The following DCDC1 variants were observed in gnomAD, a reference collection of about 807,000 sequenced individuals.
DCDC1 encodes doublecortin domain-containing protein 1.
Under a neutral mutation model 178.3 loss-of-function variants are expected in DCDC1, and 200 were observed. That is an observed-to-expected ratio of 1.12 (90% CI 1.00 to 1.26). DCDC1 has a LOEUF of 1.26. Among genes scored for constraint, DCDC1 ranks in the 50% most tolerant of loss-of-function variants. The pLI is 0.00. For missense variants in DCDC1, 1,983 were observed against 1,749.2 expected (o/e 1.13, Z -2.38); for synonymous variants, 690 against 604.8 (o/e 1.14, Z -2.07).
At chr11:30,866,375 G>C (rs906939693) in intron 38 of DCDC1, among the ~76,000 whole-genome samples, 6 of 152,118 alleles carry the variant, frequency 3.9e-5, no homozygotes, top group African/African-American at 1.4e-4. Context: ...ATGGTGCCTG[G>C]TTCCAATGGT....
chr11:31,322,059 A>G (rs1949392829), intron 3 of DCDC1, among the ~76,000 whole-genome samples: 1 of 152,152 alleles, frequency 6.6e-6, no homozygotes, highest in Admixed American at 6.5e-5. Context: ...CTTTGTATAA[A>G]TTGATGTCCT....
At chr11:31,079,465 T>A (rs1378992677) in intron 17 of DCDC1, among the ~76,000 whole-genome samples, 1 of 152,188 alleles carries the variant, frequency 6.6e-6, no homozygotes, top group Non-Finnish European at 1.5e-5. Context: ...TTCTAGCAGA[T>A]TATCAAACCC....
At chr11:31,102,145 C>T (rs138517776) in intron 15 of DCDC1, 32 bp downstream of exon 15, 83 of 631,760 alleles carry the variant, frequency 1.3e-4, no homozygotes, top group Non-Finnish European at 2.2e-4. Flanking sequence ...ACATAAAGTG[C>T]ACCTTTTAAA....
intron 3 of DCDC1, among the ~76,000 whole-genome samples, chr11:31,310,209 G>GT (rs1369423589): frequency 6.8e-6 from 1 of 147,580 alleles, no homozygotes; most frequent in South Asian, 2.2e-4. Context: ...AGAAGGGGTA[G>GT]TTTTTTATGT....
At chr11:31,156,305 G>A (rs749103005) in intron 9 of DCDC1, among the ~76,000 whole-genome samples, 8 of 151,892 alleles carry the variant, frequency 5.3e-5, no homozygotes, top group Non-Finnish European at 1.2e-4. Flanking sequence ...TCCTATCATC[G>A]AATCAATCAC....
At chr11:31,011,218 C>G (rs1952148841) in intron 20 of DCDC1, among the ~76,000 whole-genome samples, 1 of 152,034 alleles carries the variant, frequency 6.6e-6, no homozygotes, top group Admixed American at 6.6e-5. Flanking sequence ...AAGTCTATTC[C>G]AGATTGATTA....
chr11:31,344,951 T>G (rs1950739231), intron 1 of DCDC1, among the ~76,000 whole-genome samples: 1 of 152,172 alleles, frequency 6.6e-6, no homozygotes, highest in African/African-American at 2.4e-5. Flanking sequence ...CACAATTCCT[T>G]TAATCAAGAA....
chr11:30,974,160 A>G (rs571225021), intron 20 of DCDC1, among the ~76,000 whole-genome samples: 2 of 152,234 alleles, frequency 1.3e-5, no homozygotes, highest in East Asian at 3.9e-4. Context: ...GAAATTAAGG[A>G]GAAATAAAAA....
In DCDC1 at chr11:30,931,875, C is replaced by G. The variant is rs1565091416; in HGVS notation, c.2793G>C (p.Glu931Asp). 1 of 1,612,968 alleles carries G rather than the reference C, an allele frequency of 6.2e-7. No homozygotes were observed. The highest frequency in any genetic ancestry group is 8.5e-7 in the Non-Finnish European group (1 of 1,179,402). The stretch of plus-strand genomic sequence containing the variant: ...CTCTGAGTCGCACAGGGGCATATGG[C>G]TCTGTTGTCTTACAGATGGGTTTCT... ...PMKKPICKTT[E>D]PYAPVRLRVL... Residue 931 changes from glutamate to aspartate, a missense_variant, in exon 22 of 39, where the codon GAG becomes GAC. Glu to Asp is a conservative substitution (Grantham distance 45, BLOSUM62 2). Transcript: ENST00000684477.
chr11:31,063,436 G>C (rs1429315576), intron 20 of DCDC1, among the ~76,000 whole-genome samples: 1 of 152,130 alleles, frequency 6.6e-6, no homozygotes, highest in Non-Finnish European at 1.5e-5. Flanking sequence ...CAATAGCAAA[G>C]ACTTGGAATC....
rs568022102 is a variant in DCDC1 at position 31,301,174 on chromosome 11, T to G, written c.754+4441A>C. Among the ~76,000 whole-genome samples the G allele has an allele frequency of 3.3e-5, 5 of 151,042 alleles. No individual in the cohort carries two copies. The South Asian group carries it at 6.4e-4, about 19-fold the overall frequency. On this transcript the variant is annotated intron_variant, in intron 6 of 38. Coordinates refer to ENST00000684477, the MANE Select transcript of DCDC1 (RefSeq NM_001387274.1). Reference sequence around the variant, plus strand: ...TCATATGCTGTCTGAGAAGAAAATGTTTTTTTTTCACCACATAATGCCATC... The same window carrying G: ...TCATATGCTGTCTGAGAAGAAAATGGTTTTTTTTCACCACATAATGCCATC...
intron 20 of DCDC1, among the ~76,000 whole-genome samples, chr11:30,990,130 G>A (rs911397039): frequency 7.2e-5 from 11 of 152,134 alleles, no homozygotes; most frequent in Non-Finnish European, 1.3e-4. Flanking sequence ...AGCTGCCTCA[G>A]AATCTAAGTG....
intron 9 of DCDC1, among the ~76,000 whole-genome samples, chr11:31,167,112 A>G (rs1319459301): frequency 6.6e-6 from 1 of 152,190 alleles, no homozygotes; most frequent in Non-Finnish European, 1.5e-5. Flanking sequence ...TGGAACTATT[A>G]TGCAACTATA....
intron 26 of DCDC1, among the ~76,000 whole-genome samples, chr11:30,916,051 A>G (rs1197500974): frequency 1.3e-5 from 2 of 152,194 alleles, no homozygotes; most frequent in Non-Finnish European, 2.9e-5. Context: ...GAATGGGGGC[A>G]GGGGCATGTA....
chr11:30,915,703 G>C lies in DCDC1; in HGVS notation c.3461C>G (p.Pro1154Arg). The change falls in exon 27 of 39, where the codon CCA becomes CGA. Residue 1154 changes from proline (P) to arginine (R), a missense_variant. By Grantham distance (103) the Pro-to-Arg change is moderately radical (BLOSUM62 -2). Coordinates refer to ENST00000684477, the MANE Select transcript of DCDC1 (RefSeq NM_001387274.1). ...VEPQKKHSCS[P>R]KHSKLHKHCH... ...ATGCTTGTGCAATTTACTATGCTTT[G>C]GTGAACAGCTGAGATAAAGAAATCT... 1 of 1,612,708 alleles carries C rather than the reference G, an allele frequency of 6.2e-7. No homozygotes were observed. Among genetic ancestry groups the C allele is most frequent in the Non-Finnish European group, 8.5e-7 (1 of 1,179,272 alleles).
intron 30 of DCDC1, 33 bp downstream of exon 30, chr11:30,906,507 A>G: frequency 5.1e-6 from 8 of 1,576,454 alleles, no homozygotes; most frequent in Non-Finnish European, 6.9e-6. Flanking sequence ...TTGTTGCCAT[A>G]CATGCATTAG....
At chr11:31,310,785 G>A (rs1267456391) in intron 3 of DCDC1, among the ~76,000 whole-genome samples, 1 of 152,074 alleles carries the variant, frequency 6.6e-6, no homozygotes, top group African/African-American at 2.4e-5. Context: ...AGGGTGTTAG[G>A]TTCCTTCAGC....
At chr11:31,077,455 T>C (rs765484278) in intron 18 of DCDC1, among the ~76,000 whole-genome samples, 21 of 152,186 alleles carry the variant, frequency 1.4e-4, no homozygotes, top group Non-Finnish European at 2.9e-4. Context: ...ATTTTATTAA[T>C]TTATTGTTTC....
At chr11:31,253,130 T>C (rs1944167660) in intron 8 of DCDC1, among the ~76,000 whole-genome samples, 1 of 152,150 alleles carries the variant, frequency 6.6e-6, no homozygotes, top group Non-Finnish European at 1.5e-5. Flanking sequence ...GCATGAGAAC[T>C]ACCAACAAAA....
Sources: gnomAD v4.1 joint callset for allele counts (sites outside exome capture counted in the v4.1 genomes callset) on GRCh38, gnomAD v4.1.1 for gene constraint, MANE v1.5 for transcripts, NCBI Gene and HGNC (gene_info 2026-07-23, HGNC 2026-07-21) for gene names.